NAV3: variants seen among roughly 807,000 people sequenced by gnomAD.
NAV3 encodes pore membrane and/or filament interacting like protein 1.
Under a neutral mutation model 244.7 loss-of-function variants are expected in NAV3, and 87 were observed. The observed-to-expected ratio is 0.36, with a 90% CI of 0.30 to 0.42. NAV3 has a LOEUF of 0.42. NAV3 is among the 20% of genes least tolerant of loss of function. The probability of loss-of-function intolerance (pLI) is 1.00; values close to 1 mark genes in which losing one functional copy is unlikely to be tolerated. For missense variants in NAV3, 2,663 were observed against 2,893.3 expected (o/e 0.92, Z 1.83); for synonymous variants, 1,126 against 1,042.2 (o/e 1.08, Z -1.55).
Position 78,128,843 on chromosome 12 carries a change from G to A in NAV3, c.4418G>A (p.Gly1473Glu). 1 of 1,613,512 alleles carries A rather than the reference G, an allele frequency of 6.2e-7. No homozygotes were observed. Residue 1473 changes from glycine (G) to glutamate (E), a missense_variant, in exon 18 of 40, where the codon GGA becomes GAA. Physicochemically the swap from Gly to Glu is moderately conservative, Grantham distance 98. Around this residue, in one of 6 missense-constraint regions of NAV3, gnomAD observed 354 missense variants for 413.0 expected, o/e 0.86. Coordinates refer to ENST00000397909, the MANE Select transcript of NAV3 (RefSeq NM_001024383.2). ...SPSAMSSSAAGKYHFSNLVSP... is the reference protein window; with the variant it reads ...SPSAMSSSAAEKYHFSNLVSP... ...TCTGCCATGTCATCTTCTGCAGCTG[G>A]AAAATACCACTTTTCTAACTTGGGT... is the stretch of plus-strand genomic sequence containing the variant.
intron 2 of NAV3, among the ~76,000 whole-genome samples, chr12:77,630,620 A>G (rs1241006829): frequency 6.6e-6 from 1 of 152,122 alleles, no homozygotes; most frequent in African/African-American, 2.4e-5. Flanking sequence ...AAATGCATTA[A>G]AGACGTGAAG....
intron 15 of NAV3, 117 bp from the exon 16 acceptor site, chr12:78,121,823 G>T (rs1955681092): frequency 2.4e-6 from 3 of 1,274,962 alleles, no homozygotes; most frequent in Non-Finnish European, 3.2e-6. Context: ...GAGACAGGAA[G>T]TGCTTTGTAG....
intron 2 of NAV3, among the ~76,000 whole-genome samples, chr12:77,788,576 T>G (rs1333511398): frequency 6.6e-6 from 1 of 152,056 alleles, no homozygotes; most frequent in Non-Finnish European, 1.5e-5. Context: ...TAATGAGTTT[T>G]ACACATGGAA....
chr12:78,140,203 CT>C, intron 19 of NAV3, 78 bp from the exon 20 acceptor site: 1 of 1,180,558 alleles, frequency 8.5e-7, no homozygotes, highest in Non-Finnish European at 1.3e-6. Context: ...ACCACCCGTT[CT>C]TTACTTTTTC....
intron 1 of NAV3, among the ~76,000 whole-genome samples, chr12:77,898,812 G>T (rs891266647): frequency 7.9e-5 from 12 of 152,150 alleles, no homozygotes; most frequent in Non-Finnish European, 7.4e-5. Context: ...TCCTCTGATG[G>T]ATCTGAGCAG....
At chr12:77,980,670 ATTGAGATGTAAT>A (rs1411937637) in intron 5 of NAV3, among the ~76,000 whole-genome samples, 2 of 152,162 alleles carry the variant, frequency 1.3e-5, no homozygotes, top group African/African-American at 2.4e-5. Flanking sequence ...CTCTGAATGT[ATTGAGATGTAAT>A]TTTACTCCAA....
At chr12:77,848,453 C>T (rs969968914) in intron 1 of NAV3, among the ~76,000 whole-genome samples, 4 of 152,178 alleles carry the variant, frequency 2.6e-5, no homozygotes, top group Non-Finnish European at 5.9e-5. Flanking sequence ...AATATAAGAT[C>T]CATCCTGCAG....
intron 9 of NAV3, among the ~76,000 whole-genome samples, chr12:78,043,089 C>A (rs1204408009): frequency 6.6e-6 from 1 of 152,124 alleles, no homozygotes; most frequent in Non-Finnish European, 1.5e-5. Context: ...CCTTGATCCC[C>A]CCACCCACCA....
At chr12:77,573,035 T>A (rs1330433111) in intron 2 of NAV3, among the ~76,000 whole-genome samples, 1 of 152,174 alleles carries the variant, frequency 6.6e-6, no homozygotes, top group Non-Finnish European at 1.5e-5. Flanking sequence ...AAATGTATCA[T>A]CTTTTGCAGT....
rs560768946 is a variant in NAV3, at chr12:77,650,392, A to G, written c.72+78126A>G. ...CGAATCTTGGTAAATAGTTGGAGAG[A>G]CCAACAACCAACCTGAGAAAAATCT... On this transcript the variant is annotated intron_variant, in intron 2 of 8. Transcript: ENST00000550042. Among the ~76,000 whole-genome samples, 7 of 152,218 alleles carry G rather than the reference A, an allele frequency of 4.6e-5. No individual in the cohort carries two copies. The East Asian group carries it at 1.2e-3, about 25-fold the overall frequency.
At chr12:77,962,716 C>T (rs1471949595) in intron 3 of NAV3, among the ~76,000 whole-genome samples, 1 of 152,070 alleles carries the variant, frequency 6.6e-6, no homozygotes, top group African/African-American at 2.4e-5. Context: ...TGTGGATTAC[C>T]ATCCATTAAT....
intron 1 of NAV3, among the ~76,000 whole-genome samples, chr12:77,875,604 G>A (rs894247133): frequency 2.6e-5 from 4 of 151,948 alleles, no homozygotes; most frequent in Non-Finnish European, 5.9e-5. Flanking sequence ...AATACATTGA[G>A]TCAAGTAATG....
chr12:77,892,893 A>G (rs574272469), intron 1 of NAV3, among the ~76,000 whole-genome samples: 12 of 152,310 alleles, frequency 7.9e-5, no homozygotes, highest in Admixed American at 5.9e-4. Context: ...TGGCTATTAA[A>G]AGGGAAAAGA....
intron 12 of NAV3, among the ~76,000 whole-genome samples, chr12:78,100,787 G>A (rs1018107922): frequency 2.6e-5 from 4 of 152,020 alleles, no homozygotes; most frequent in Admixed American, 2.6e-4. Context: ...TTGTACCACT[G>A]GATTCTTGAT....
intron 36 of NAV3, 101 bp from the exon 37 acceptor site, chr12:78,199,234 T>A (rs780773097): frequency 9.2e-6 from 9 of 974,542 alleles, no homozygotes; most frequent in South Asian, 1.5e-5. Context: ...TTACTTTCTA[T>A]TGGAAAGTAA....
rs532101218 is a variant in NAV3, at chr12:77,695,404, A to G, written c.72+123138A>G. 2.0e-5 allele frequency among the ~76,000 whole-genome samples: 3 copies of G among 152,162 alleles called. No individual in the cohort carries two copies. The South Asian group carries it at 6.2e-4, about 32-fold the overall frequency. ...TTTTCCAGCACCATTTATTGAAGAG[A>G]CTGTCTTTTCCCCAGTGTATATTCT... On this transcript the variant is annotated intron_variant, in intron 2 of 8. Transcript: ENST00000550042.
Position 78,006,988 on chromosome 12 carries a change from G to C in NAV3, c.1450G>C (p.Val484Leu), listed in dbSNP as rs767782554. 2.5e-6 allele frequency: 4 copies of C among 1,613,982 alleles called. No homozygotes were observed. Among genetic ancestry groups the C allele is most frequent in the Non-Finnish European group, 3.4e-6 (4 of 1,180,020 alleles). ...AAATAAAGTTTGCACTGAAAAACCA[G>C]TCAAAGAAGAGAAGGATCAGGTGAC... The part of the protein sequence containing the change: ...DKNKVCTEKP[V>L]KEEKDQVTEM... The change falls in exon 8 of 40, where the codon GTC becomes CTC. Residue 484 changes from valine (V) to leucine (L), a missense_variant. By Grantham distance (32) the Val-to-Leu change is conservative. Coordinates refer to ENST00000397909, the MANE Select transcript of NAV3 (RefSeq NM_001024383.2).
At chr12:77,587,032 G>A (rs1432611539) in intron 2 of NAV3, among the ~76,000 whole-genome samples, 2 of 152,102 alleles carry the variant, frequency 1.3e-5, no homozygotes, top group African/African-American at 2.4e-5. Context: ...TATTTATATT[G>A]CTTATTTTTC....
In NAV3 at chr12:78,029,298, A is replaced by G. The variant is rs185800326; in HGVS notation, c.2023+7436A>G. On this transcript the variant is annotated intron_variant, in intron 9 of 39. Coordinates refer to ENST00000397909, the MANE Select transcript of NAV3 (RefSeq NM_001024383.2). ...TGTTCATTCATTGAACATTGATAAC[A>G]TAGCCAAAATGGTGCTGAATTCAGG... Among the ~76,000 whole-genome samples the G allele has an allele frequency of 4.1e-3, 619 of 152,276 alleles. 2 individuals carry two copies. The highest frequency in any genetic ancestry group is 0.018 in the South Asian group (87 of 4,830).
Sources: gnomAD v4.1 joint callset for allele counts (sites outside exome capture counted in the v4.1 genomes callset) on GRCh38, gnomAD v4.1.1 for gene constraint, gnomAD v4.1.1 regional missense constraint, MANE v1.5 for transcripts, NCBI Gene and HGNC (gene_info 2026-07-23, HGNC 2026-07-21) for gene names.